DDX17: variants seen among roughly 807,000 people sequenced by gnomAD.
The protein encoded by DDX17 is probable ATP-dependent RNA helicase DDX17.
Under a neutral mutation model 80.8 loss-of-function variants are expected in DDX17, and 10 were observed. That is an observed-to-expected ratio of 0.12 (90% CI 0.08 to 0.21). DDX17 has a LOEUF of 0.21. Ranked by LOEUF, DDX17 falls within the 10% of genes least tolerant of loss-of-function variation. The pLI, the probability that DDX17 is intolerant of heterozygous loss-of-function variation, is 1.00. For missense variants in DDX17, 586 were observed against 957.4 expected, an observed-to-expected ratio of 0.61 and a Z score of 5.12; for synonymous variants, 339 against 336.2, an observed-to-expected ratio of 1.01 and a Z score of -0.09.
chr22:38,483,545 T>G lies in DDX17; in HGVS notation c.*2390A>C, dbSNP rs2089622460. 6.5e-6 allele frequency: 1 copy of G among 152,772 alleles called. No homozygotes were observed. The highest frequency in any genetic ancestry group is 2.4e-5 in the African/African-American group (1 of 41,582). The allele number at this position is 152,772 out of a possible 1,614,324, so 9.5% of individuals were successfully genotyped here. On this transcript the variant is annotated 3_prime_UTR_variant, in exon 13 of 13. Coordinates refer to ENST00000403230, the MANE Select transcript of DDX17 (RefSeq NM_006386.5). ...TAGTAACATAGCTTTCAGCATCCTG[T>G]GCCTGAACATCACACATCTACAAGT...
At chr22:38,499,231 C>A (rs1220391579) in intron 3 of DDX17, among the ~76,000 whole-genome samples, 169 bp downstream of exon 3, 2 of 152,076 alleles carry the variant, frequency 1.3e-5, no homozygotes, top group African/African-American at 4.8e-5. Context: ...AAAAACAAAA[C>A]AAAAACAAAA....
chr22:38,495,759 G>T, intron 6 of DDX17, 37 bp downstream of exon 6: 1 of 1,436,912 alleles, frequency 7.0e-7, no homozygotes, highest in Non-Finnish European at 9.2e-7. Context: ...GGTAAAGTAA[G>T]ATAAACTAAC....
chr22:38,491,630 ATATCT>A (rs1377139368), intron 11 of DDX17: 1 of 158,274 alleles, frequency 6.3e-6, no homozygotes, highest in Non-Finnish European at 1.4e-5. Context: ...CTCTCTGTAT[ATATCT>A]AGCTTAGACA....
In DDX17 at chr22:38,505,202, C is replaced by T. The variant is rs1173028998; in HGVS notation, c.287+749G>A. The T allele has an allele frequency of 3.3e-5, 5 of 152,370 alleles. No homozygotes were observed. In the East Asian group the frequency reaches 9.6e-4, roughly 29 times the overall value. The allele number at this position is 152,370 out of a possible 1,614,324, so 9.4% of individuals were successfully genotyped here. A position where few individuals can be genotyped will look rare whatever the true frequency, so the allele number is the denominator to read the frequency against. ...GGGATTACAGGCCTGAGGCACCACG[C>T]CCGGTCCACAATACCAAGAACTTTC... On this transcript the variant is annotated intron_variant, in intron 1 of 12. Transcript: ENST00000403230.
At chr22:38,497,053 A>T (rs1375165535) in intron 5 of DDX17, among the ~76,000 whole-genome samples, 1 of 151,994 alleles carries the variant, frequency 6.6e-6, no homozygotes, top group Admixed American at 6.5e-5. Flanking sequence ...TAATCCCATT[A>T]TTTTGGGAGG....
At chr22:38,500,982 A>AG in intron 2 of DDX17, 148 bp downstream of exon 2, 1 of 1,121,630 alleles carries the variant, frequency 8.9e-7, no homozygotes, top group Non-Finnish European at 1.2e-6. Flanking sequence ...AGGAAAAAAA[A>AG]AAAAAAATTA....
chr22:38,488,380 C>A, intron 11 of DDX17: 5 of 1,340,046 alleles, frequency 3.7e-6, no homozygotes, highest in Non-Finnish European at 4.8e-6. Flanking sequence ...CATCCAAACT[C>A]CTGCCTCTGC....
At chr22:38,501,006 T>G (rs1042453181) in intron 2 of DDX17, 124 bp downstream of exon 2, 8 of 1,324,046 alleles carry the variant, frequency 6.0e-6, no homozygotes, top group Middle Eastern at 2.7e-4. Flanking sequence ...AAAAAATTTT[T>G]TAAGAAAAAT....
At chr22:38,496,282 A>C (rs1569140421) in intron 5 of DDX17, among the ~76,000 whole-genome samples, 1 of 152,166 alleles carries the variant, frequency 6.6e-6, no homozygotes, top group South Asian at 2.1e-4. Flanking sequence ...TGAGCATCCT[A>C]AACCCCCAAA....
In DDX17 at chr22:38,491,711, A is replaced by G. The variant is rs112552054; in HGVS notation, c.1447+345T>C. 5.8e-4 allele frequency: 132 copies of G among 226,352 alleles called. 1 individual carries two copies. The highest frequency in any genetic ancestry group is 2.5e-3 in the African/African-American group (111 of 44,542). 14.0% of individuals were successfully genotyped at this position (226,352 alleles called of 1,614,324 possible). ...AGCTAGGTTTCGTCAGGCTTATTCTATCCAGCCAGAAACCACCACCAGAGA... is the reference window on the plus strand; with the variant it reads ...AGCTAGGTTTCGTCAGGCTTATTCTGTCCAGCCAGAAACCACCACCAGAGA... On this transcript the variant is annotated intron_variant, in intron 11 of 12. Transcript: ENST00000403230.
intron 1 of DDX17, among the ~76,000 whole-genome samples, chr22:38,504,867 G>C (rs563978684): frequency 3.1e-4 from 47 of 151,922 alleles, no homozygotes; most frequent in Non-Finnish European, 1.6e-4. Context: ...CTTGACCAAG[G>C]TCACACACAC....
In DDX17 at chr22:38,506,111, C is replaced by G; in HGVS notation, c.127G>C (p.Ala43Pro). The G allele has an allele frequency of 1.3e-6, 2 of 1,575,268 alleles. No individual in the cohort carries two copies. The highest frequency in any genetic ancestry group is 1.7e-6 in the Non-Finnish European group (2 of 1,161,288). ...GGCGGCGGCGCCTCCGCTGTTGGGG[C>G]GGCGGCAGGCGCAGCGCTCTCTCGC... is the stretch of plus-strand genomic sequence containing the variant. Residue 43 changes from alanine to proline, a missense_variant, in exon 1 of 13, where the codon GCC becomes CCC. Physicochemically the swap from Ala to Pro is conservative, Grantham distance 27. This residue lies in a region of DDX17 where 215 missense variants were observed against 238.4 expected (regional missense o/e 0.90). Coordinates refer to ENST00000403230, the MANE Select transcript of DDX17 (RefSeq NM_006386.5).
At position 38,501,196 on chromosome 22, in the gene DDX17, C is replaced by T; in HGVS notation, c.372G>A (p.Leu124=). 1 of 1,613,884 alleles carries T rather than the reference C, an allele frequency of 6.2e-7. No homozygotes were observed. The highest frequency in any genetic ancestry group is 2.2e-5 in the East Asian group (1 of 44,876). The change falls in exon 2 of 13, where the codon TTG becomes TTA. Residue 124 remains leucine (L), a synonymous_variant. Transcript: ENST00000403230. ...TTTTCTCAAACTTGGGGAGCTCACT[C>T]AAATCCCACTTTTTTTTACGCAAAC... is the stretch of plus-strand genomic sequence containing the variant.
rs1190231470 is a variant in DDX17 at position 38,506,082 on chromosome 22, C to T, written c.156G>A (p.Ser52=). 6.3e-7 allele frequency: 1 copy of T among 1,579,870 alleles called. No homozygotes were observed. Among genetic ancestry groups the T allele is most frequent in the Non-Finnish European group, 8.6e-7 (1 of 1,163,540 alleles). ...CCTGCGGCTCCGGTCTGGTGACGAC[C>T]GATGGCGGCGGCGCCTCCGCTGTTG... Residue 52 remains serine (S), a synonymous_variant, in exon 1 of 13, where the codon TCG becomes TCA. Coordinates refer to ENST00000403230, the MANE Select transcript of DDX17 (RefSeq NM_006386.5).
chr22:38,500,817 CAAAAAAAAAAAAAA>C (rs138453), intron 2 of DDX17, among the ~76,000 whole-genome samples: 3,166 of 54,256 alleles, frequency 0.058, 235 homozygotes, highest in African/African-American at 0.27. Flanking sequence ...AACTCCGTCT[CAAAAAAAAAAAAAA>C]AAAAAAAAAA....
intron 11 of DDX17, chr22:38,488,411 A>G (rs1402280798): frequency 7.9e-7 from 1 of 1,264,120 alleles, no homozygotes; most frequent in Non-Finnish European, 1.0e-6. Flanking sequence ...CAATATACTG[A>G]CAGGAGTTAC....
Position 38,492,042 on chromosome 22 carries a change from C to T in DDX17, c.1447+14G>A. On this transcript the variant is annotated intron_variant, in intron 11 of 12. Transcript: ENST00000403230. Reference sequence around the variant, plus strand: ...ATACATATACCATTGACAGAGACACCTATCTATACAAACCTAGCCCACGGG... The same window carrying T: ...ATACATATACCATTGACAGAGACACTTATCTATACAAACCTAGCCCACGGG... 1 of 1,588,896 alleles carries T rather than the reference C, an allele frequency of 6.3e-7. No individual in the cohort carries two copies. Among genetic ancestry groups the T allele is most frequent in the Non-Finnish European group, 8.6e-7 (1 of 1,165,138 alleles).
chr22:38,499,077 C>A (rs375466501), intron 3 of DDX17, among the ~76,000 whole-genome samples: 1 of 152,246 alleles, frequency 6.6e-6, no homozygotes, highest in African/African-American at 2.4e-5. Context: ...AAAACCATTA[C>A]CCTAAAGCAT....
intron 5 of DDX17, among the ~76,000 whole-genome samples, chr22:38,497,621 A>AAAAAAAAAAAAAAG (rs2089782922): frequency 2.9e-5 from 4 of 139,782 alleles, no homozygotes; most frequent in African/African-American, 1.2e-4. Flanking sequence ...TATATCTCCA[A>AAAAAAAAAAAAAAG]AAAAAAAAAA....
Sources: allele counts gnomAD v4.1 joint callset (sites outside exome capture counted in the v4.1 genomes callset), GRCh38; gene constraint gnomAD v4.1.1; regional missense constraint gnomAD v4.1.1; transcripts MANE v1.5; gene names NCBI Gene and HGNC (gene_info 2026-07-23, HGNC 2026-07-21).